SLC2A9: variants seen among roughly 807,000 people sequenced by gnomAD.
The protein encoded by SLC2A9 is solute carrier family 2, facilitated glucose transporter member 9.
SLC2A9 carries 39 observed loss-of-function variants against 50.6 expected under a neutral mutation model. The observed-to-expected ratio is 0.77, with a 90% CI of 0.60 to 1.01. The LOEUF is 1.01. SLC2A9 is among the 50% of genes least tolerant of loss of function. The pLI is 0.00. For missense variants in SLC2A9, 686 were observed against 677.6 expected (o/e 1.01, Z -0.14); for synonymous variants, 324 against 276.9 (o/e 1.17, Z -1.69).
At position 9,865,277 on chromosome 4, in the gene SLC2A9, C is replaced by T. The variant is rs187775307; in HGVS notation, c.1291+22290G>A. ...ATGCTGCTCAACATCAGACCATGCG[C>T]GGGAGAGCCCCCAACAACAAAATAC... On this transcript the variant is annotated intron_variant, in intron 10 of 11. Transcript: ENST00000264784. Among the ~76,000 whole-genome samples the T allele has an allele frequency of 5.9e-5, 9 of 152,316 alleles. No individual in the cohort carries two copies. The East Asian group carries it at 1.3e-3, about 23-fold the overall frequency.
chr4:9,934,043 CTT>C (rs1408784434), intron 6 of SLC2A9, among the ~76,000 whole-genome samples: 1 of 152,268 alleles, frequency 6.6e-6, no homozygotes, highest in East Asian at 1.9e-4. Flanking sequence ...CATCTGTGAC[CTT>C]AATTCCATCT....
intron 3 of SLC2A9, among the ~76,000 whole-genome samples, chr4:9,793,984 T>C (rs1480560522): frequency 2.6e-5 from 4 of 152,210 alleles, no homozygotes; most frequent in Non-Finnish European, 5.9e-5. Flanking sequence ...GAGTCCCAGT[T>C]GTGTGATTTT....
chr4:9,820,888 T>C (rs995504046), intron 3 of SLC2A9, among the ~76,000 whole-genome samples: 2 of 152,236 alleles, frequency 1.3e-5, no homozygotes, highest in African/African-American at 4.8e-5. Context: ...TTATTTTTAA[T>C]GTTTTGCTTT....
At chr4:9,820,778 T>G (rs1724293611) in intron 3 of SLC2A9, among the ~76,000 whole-genome samples, 2 of 152,242 alleles carry the variant, frequency 1.3e-5, no homozygotes. Context: ...TGAATATTTG[T>G]GTGTTGAACT....
At chr4:9,833,173 T>C (rs2109130722) in intron 11 of SLC2A9, among the ~76,000 whole-genome samples, 1 of 152,326 alleles carries the variant, frequency 6.6e-6, no homozygotes, top group South Asian at 2.1e-4. Context: ...ATACTTGTTA[T>C]GTTCTGACTG....
At chr4:9,816,033 G>A (rs1350737931) in intron 3 of SLC2A9, among the ~76,000 whole-genome samples, 1 of 152,048 alleles carries the variant, frequency 6.6e-6, no homozygotes, top group Non-Finnish European at 1.5e-5. Flanking sequence ...AGCCGGGCAT[G>A]GTGGCACACG....
downstream of SLC2A9, among the ~76,000 whole-genome samples, chr4:9,776,743 A>C (rs929042166): frequency 6.6e-6 from 1 of 152,142 alleles, no homozygotes; most frequent in African/African-American, 2.4e-5. Context: ...CCGAGTTCTT[A>C]TAACAGGGGC....
intron 2 of SLC2A9, among the ~76,000 whole-genome samples, chr4:10,016,612 T>C (rs562312509): frequency 1.3e-5 from 2 of 152,110 alleles, no homozygotes; most frequent in Admixed American, 1.3e-4. Flanking sequence ...TCTCTCTGTT[T>C]GGCTTACCAT....
At chr4:9,803,758 A>G (rs1250884903) in intron 3 of SLC2A9, among the ~76,000 whole-genome samples, 1 of 152,210 alleles carries the variant, frequency 6.6e-6, no homozygotes, top group East Asian at 1.9e-4. Context: ...TTGTCCTTTA[A>G]TTATGGTGTC....
chr4:10,037,813 G>A (rs569975752), intron 1 of SLC2A9, among the ~76,000 whole-genome samples: 1 of 152,112 alleles, frequency 6.6e-6, no homozygotes, highest in South Asian at 2.1e-4. Context: ...TTAGCCAGGC[G>A]GGTAGCGCAT....
At chr4:9,866,904 T>A (rs1732575453) in intron 10 of SLC2A9, among the ~76,000 whole-genome samples, 1 of 152,188 alleles carries the variant, frequency 6.6e-6, no homozygotes. Context: ...GAGCTCACAG[T>A]CCTCCCCACT....
intron 8 of SLC2A9, among the ~76,000 whole-genome samples, chr4:9,895,127 C>T (rs893688917): frequency 5.3e-5 from 8 of 152,172 alleles, no homozygotes; most frequent in African/African-American, 1.7e-4. Flanking sequence ...ATGATGCTGA[C>T]GTTCAAATAC....
At chr4:9,952,964 T>C (rs1347837329) in intron 5 of SLC2A9, among the ~76,000 whole-genome samples, 2 of 152,216 alleles carry the variant, frequency 1.3e-5, no homozygotes, top group Admixed American at 1.3e-4. Context: ...GATTCTGTGA[T>C]CTGAATGTCC....
intron 5 of SLC2A9, among the ~76,000 whole-genome samples, chr4:9,978,618 A>G (rs1054883097): frequency 6.6e-6 from 1 of 152,208 alleles, no homozygotes; most frequent in Non-Finnish European, 1.5e-5. Context: ...TTAGTTTGGA[A>G]CCTCACTTAG....
At chr4:9,855,171 T>G (rs1325505793) in intron 10 of SLC2A9, among the ~76,000 whole-genome samples, 1 of 152,178 alleles carries the variant, frequency 6.6e-6, no homozygotes, top group Non-Finnish European at 1.5e-5. Flanking sequence ...AGTCAAACTA[T>G]CTCTGTTTGC....
intron 10 of SLC2A9, among the ~76,000 whole-genome samples, chr4:9,846,694 C>T (rs1376475596): frequency 1.3e-5 from 2 of 152,164 alleles, no homozygotes; most frequent in African/African-American, 4.8e-5. Context: ...GGTAGCCAGG[C>T]TAGTAGCTAA....
chr4:9,787,309 G>A (rs1272120716), intron 3 of SLC2A9, among the ~76,000 whole-genome samples: 2 of 152,322 alleles, frequency 1.3e-5, no homozygotes, highest in South Asian at 2.1e-4. Context: ...CATGGGAGGA[G>A]TGCCAAAGAA....
chr4:9,788,129 T>C (rs1462666248), intron 3 of SLC2A9, among the ~76,000 whole-genome samples: 1 of 152,194 alleles, frequency 6.6e-6, no homozygotes, highest in Non-Finnish European at 1.5e-5. Flanking sequence ...TTTTCTACTG[T>C]AAGGAAGAAT....
chr4:9,900,415 T>C (rs1329493853), intron 8 of SLC2A9, among the ~76,000 whole-genome samples: 1 of 151,848 alleles, frequency 6.6e-6, no homozygotes, highest in Admixed American at 6.5e-5. Flanking sequence ...TGTGGGTATG[T>C]CCTTGGCCAA....
Sources: gnomAD v4.1 joint callset for allele counts (sites outside exome capture counted in the v4.1 genomes callset) on GRCh38, gnomAD v4.1.1 for gene constraint, MANE v1.5 for transcripts, NCBI Gene and HGNC (gene_info 2026-07-23, HGNC 2026-07-21) for gene names.